Variants in TKTL1 observed in about 807,000 individuals in gnomAD.
TKTL1 encodes the protein transketolase like 1, also known as transketolase-like protein 1.
In TKTL1, 1 loss-of-function variant was observed where a neutral mutation model predicts 39.3. That is an observed-to-expected ratio of 0.03 (90% CI 0.01 to 0.12). TKTL1 has a LOEUF of 0.12. TKTL1 is among the 10% of genes least tolerant of loss of function. The pLI is 1.00. For synonymous variants in TKTL1, 262 were observed against 193.8 expected (o/e 1.35, Z -2.92); for missense variants, 575 against 509.6 (o/e 1.13, Z -1.24).
Position 154,310,915 on chromosome X carries a change from T to A in TKTL1, c.430T>A (p.Tyr144Asn), listed in dbSNP as rs917091206. Reference sequence around the variant, plus strand: ...GGAGGCAATGGCCTTTGCTTCCTACTACAGTCTGGACAATCTTGTGGCAAT... The same window carrying A: ...GGAGGCAATGGCCTTTGCTTCCTACAACAGTCTGGACAATCTTGTGGCAAT... ...VWEAMAFASY[Y>N]SLDNLVAIFD... Residue 144 changes from tyrosine (Y) to asparagine (N), a missense_variant, in exon 4 of 13, where the codon TAC (tyrosine) becomes AAC (asparagine). Transcript: ENST00000369915. 12 of 1,212,082 alleles carry A rather than the reference T, an allele frequency of 9.9e-6. No homozygotes were observed. Among genetic ancestry groups the A allele is most frequent in the Non-Finnish European group, 1.2e-5 (11 of 895,477 alleles).
intron 8 of TKTL1, 109 bp downstream of exon 8, chrX:154,321,022 T>G: frequency 1.1e-6 from 1 of 933,023 alleles, no homozygotes; most frequent in African/African-American, 1.9e-5. Flanking sequence ...GAAGTTTGAT[T>G]ATTCAAGCCT....
At chrX:154,316,276 T>C (rs2067399330) in intron 7 of TKTL1, among the ~76,000 whole-genome samples, 1 of 110,995 alleles carries the variant, frequency 9.0e-6, no homozygotes, top group Non-Finnish European at 1.9e-5. Context: ...TTCACTGTGT[T>C]AGCCAGAGTG....
intron 10 of TKTL1, chrX:154,327,107 T>C (rs1557172115): frequency 2.3e-5 from 5 of 221,949 alleles, no homozygotes; most frequent in Admixed American, 1.2e-4. Context: ...GCGAGGGCTT[T>C]GATGTCAGCC....
Position 154,315,232 on chromosome X carries a change from A to C in TKTL1, c.924A>C (p.Arg308Ser). 1 of 1,211,232 alleles carries C rather than the reference A, an allele frequency of 8.3e-7. No individual in the cohort carries two copies. Among genetic ancestry groups the C allele is most frequent in the Non-Finnish European group, 1.1e-6 (1 of 895,146 alleles). ...ALAKLGYANN[R>S]VVVLDGDTRY... ...CTAAGCTGGGCTACGCGAACAACAG[A>C]GTCGTTGTGCTGGATGGTGACACCA... The change falls in exon 7 of 13, where the codon AGA becomes AGC. Residue 308 changes from arginine (R) to serine (S), a missense_variant. Transcript: ENST00000369915.
intron 1 of TKTL1, among the ~76,000 whole-genome samples, chrX:154,300,697 GTGTT>G (rs782774431): frequency 1.1e-3 from 123 of 110,424 alleles, no homozygotes; most frequent in African/African-American, 1.9e-3. Context: ...TTGTTTGTTT[GTGTT>G]TGTTTGTTTG....
intron 5 of TKTL1, among the ~76,000 whole-genome samples, chrX:154,311,518 C>G (rs2067357575): frequency 1.8e-5 from 2 of 111,693 alleles, no homozygotes; most frequent in South Asian, 7.5e-4. Context: ...AGGGAACAAT[C>G]TCTACGGTTA....
rs1302370273 is a variant in TKTL1, at chrX:154,309,458, A to G, written c.350+16A>G. 5.1e-6 allele frequency: 6 copies of G among 1,179,684 alleles called. No individual in the cohort carries two copies. The African/African-American group carries it at 5.4e-5, about 11-fold the overall frequency. ...ACAGGGCCAGGTGAGGTTCTTCCCC[A>G]GAAGCCATTTAACTGCCCTACATCT... On this transcript the variant is annotated intron_variant, in intron 3 of 12. Coordinates refer to ENST00000369915, the MANE Select transcript of TKTL1 (RefSeq NM_012253.4).
intron 8 of TKTL1, among the ~76,000 whole-genome samples, chrX:154,322,907 C>G (rs1557171171): frequency 1.8e-5 from 2 of 111,971 alleles, no homozygotes; most frequent in South Asian, 3.7e-4. Context: ...AGGCCAAACT[C>G]AGGCCACCAA....
chrX:154,302,112 A>T (rs1437281586), intron 1 of TKTL1, among the ~76,000 whole-genome samples: 2 of 110,566 alleles, frequency 1.8e-5, no homozygotes, highest in Non-Finnish European at 3.8e-5. Flanking sequence ...GTAGGTTTCC[A>T]TTCACTTTCG....
chrX:154,325,555 T>C (rs1394739412), intron 10 of TKTL1, 133 bp downstream of exon 10: 80 of 559,973 alleles, frequency 1.4e-4, no homozygotes, highest in Non-Finnish European at 2.1e-4. Context: ...AAAACAGTTG[T>C]GACCTTTACC....
intron 7 of TKTL1, among the ~76,000 whole-genome samples, chrX:154,319,568 G>A (rs936911639): frequency 3.6e-5 from 4 of 111,271 alleles, no homozygotes; most frequent in African/African-American, 6.6e-5. Flanking sequence ...GTGAAACCTC[G>A]TCCCTACTAA....
At chrX:154,296,705 AGTGTT>A (rs1270497547) in intron 1 of TKTL1, among the ~76,000 whole-genome samples, 3 of 111,308 alleles carry the variant, frequency 2.7e-5, no homozygotes, top group Non-Finnish European at 5.7e-5. Flanking sequence ...GATGTTTCAA[AGTGTT>A]CCATCTTAAA....
chrX:154,324,831 C>T (rs1476292078), intron 9 of TKTL1, among the ~76,000 whole-genome samples: 3 of 112,019 alleles, frequency 2.7e-5, no homozygotes, highest in African/African-American at 9.7e-5. Context: ...TGTAAATTAA[C>T]AAATACTTTA....
intron 2 of TKTL1, 69 bp downstream of exon 2, chrX:154,305,490 G>GT (rs1557167064): frequency 1.8e-6 from 2 of 1,129,027 alleles, no homozygotes; most frequent in Non-Finnish European, 2.4e-6. Flanking sequence ...CAGCCACCGT[G>GT]TGGGAACAAG....
chrX:154,323,171 T>C (rs782036234), intron 8 of TKTL1, 36 bp from the exon 9 acceptor site: 11 of 1,206,034 alleles, frequency 9.1e-6, no homozygotes, highest in Non-Finnish European at 1.2e-5. Context: ...CTAATGGGGT[T>C]ATGCTCCTGT....
At chrX:154,311,075 C>G (rs1557168240) in intron 4 of TKTL1, 36 bp from the exon 5 acceptor site, 8 of 1,211,013 alleles carry the variant, frequency 6.6e-6, no homozygotes, top group Non-Finnish European at 8.9e-6. Context: ...CTGCCCCCTT[C>G]ATCTCTTGTA....
At chrX:154,317,749 C>G (rs12559330) in intron 7 of TKTL1, among the ~76,000 whole-genome samples, 1 of 110,994 alleles carries the variant, frequency 9.0e-6, no homozygotes, top group Non-Finnish European at 1.9e-5. Context: ...GGCAGGAGAG[C>G]CAGCAGGATG....
At chrX:154,316,309 AT>A (rs2067399698) in intron 7 of TKTL1, among the ~76,000 whole-genome samples, 1 of 111,063 alleles carries the variant, frequency 9.0e-6, no homozygotes, top group African/African-American at 3.3e-5. Context: ...TGACCTCGTG[AT>A]CCGTCCGCCT....
Position 154,323,077 on chromosome X carries a change from T to G in TKTL1, c.1187-130T>G, listed in dbSNP as rs116600531. ...TGTGAGGATGCAGCGGGACCATTTA[T>G]GGGGCTCTGCTACAGCTCGGGACAC... On this transcript the variant is annotated intron_variant, in intron 8 of 12. Transcript: ENST00000369915. 0.011 allele frequency: 9,047 copies of G among 826,705 alleles called. 576 individuals are homozygous for G. In the African/African-American group the frequency reaches 0.17, roughly 16 times the overall value. The allele number at this position is 826,705 out of a possible 1,213,427, so 68.1% of individuals were successfully genotyped here.
Sources: allele counts gnomAD v4.1 joint callset (sites outside exome capture counted in the v4.1 genomes callset), GRCh38; gene constraint gnomAD v4.1.1; transcripts MANE v1.5; gene names NCBI Gene and HGNC (gene_info 2026-07-23, HGNC 2026-07-21).